EPHA6: variants seen among roughly 807,000 people sequenced by gnomAD.
EPHA6 encodes EPH receptor A6, also known as ephrin type-A receptor 6.
In EPHA6, 50 loss-of-function variants were observed where a neutral mutation model predicts 112.0. The observed-to-expected ratio is 0.45, with a 90% confidence interval of 0.36 to 0.56. The LOEUF is 0.56. EPHA6 is among the 20% of genes least tolerant of loss of function. The probability of loss-of-function intolerance (pLI) is 0.00; values close to 1 mark genes in which losing one functional copy is unlikely to be tolerated. For synonymous variants in EPHA6, 529 were observed against 490.7 expected (o/e 1.08, Z -1.03); for missense variants, 1,280 against 1,417.4 (o/e 0.90, Z 1.56).
intron 5 of EPHA6, among the ~76,000 whole-genome samples, chr3:97,347,081 C>A (rs1314856472): frequency 6.6e-6 from 1 of 152,060 alleles, no homozygotes; most frequent in Non-Finnish European, 1.5e-5. Context: ...GAGAGACCAC[C>A]AGTTGTCTCT....
chr3:97,042,196 T>A (rs975070716), intron 3 of EPHA6, among the ~76,000 whole-genome samples: 7 of 152,062 alleles, frequency 4.6e-5, no homozygotes, highest in Non-Finnish European at 1.0e-4. Context: ...GGATCCCTTA[T>A]TAATGGCTTA....
chr3:97,752,842 G>A lies in EPHA6; in HGVS notation c.*4141G>A, dbSNP rs1449488454. Among the ~76,000 whole-genome samples, 1 of 151,848 alleles carries A rather than the reference G, an allele frequency of 6.6e-6. No individual in the cohort carries two copies. Among genetic ancestry groups the A allele is most frequent in the Non-Finnish European group, 1.5e-5 (1 of 67,906 alleles). On this transcript the variant is annotated 3_prime_UTR_variant, in exon 18 of 18. Transcript: ENST00000389672. ...TATCTGTTATTATAAACTCACAGTT[G>A]GTGTCCATGTCTCTATATATCAAAG...
intron 11 of EPHA6, among the ~76,000 whole-genome samples, chr3:97,562,591 A>G (rs2093207230): frequency 6.6e-6 from 1 of 152,198 alleles, no homozygotes; most frequent in Non-Finnish European, 1.5e-5. Context: ...ATCTACTCCT[A>G]GTGAAGATGC....
chr3:97,323,496 A>G (rs753485747), intron 5 of EPHA6, among the ~76,000 whole-genome samples: 1 of 151,898 alleles, frequency 6.6e-6, no homozygotes, highest in Non-Finnish European at 1.5e-5. Flanking sequence ...TAATATGTCA[A>G]ATGATCATGT....
intron 2 of EPHA6, among the ~76,000 whole-genome samples, chr3:96,984,962 G>T (rs1312341849): frequency 1.3e-5 from 2 of 152,178 alleles, no homozygotes; most frequent in Non-Finnish European, 2.9e-5. Context: ...GCTTTGCTTG[G>T]CTATGAAAGG....
chr3:97,465,858 T>C (rs1474886150), intron 7 of EPHA6, among the ~76,000 whole-genome samples: 1 of 152,064 alleles, frequency 6.6e-6, no homozygotes, highest in East Asian at 1.9e-4. Flanking sequence ...TTAGCTCCAG[T>C]ATTTTGGTGA....
chr3:97,217,953 A>C (rs913066479), intron 3 of EPHA6, among the ~76,000 whole-genome samples: 1 of 152,208 alleles, frequency 6.6e-6, no homozygotes, highest in Non-Finnish European at 1.5e-5. Flanking sequence ...AAAATCTAGA[A>C]TATCATATAC....
At chr3:96,891,220 T>A (rs2037941787) in intron 2 of EPHA6, among the ~76,000 whole-genome samples, 1 of 152,078 alleles carries the variant, frequency 6.6e-6, no homozygotes, top group Admixed American at 6.5e-5. Flanking sequence ...TATAAATAAA[T>A]GGTTGTCTAG....
chr3:97,117,140 C>A (rs1361106265), intron 3 of EPHA6, among the ~76,000 whole-genome samples: 2 of 151,496 alleles, frequency 1.3e-5, no homozygotes, highest in African/African-American at 4.8e-5. Flanking sequence ...GGAAAAATAT[C>A]TTCTGAGGTT....
intron 3 of EPHA6, among the ~76,000 whole-genome samples, chr3:97,138,682 G>A (rs1184621004): frequency 1.3e-5 from 2 of 152,202 alleles, no homozygotes; most frequent in Admixed American, 1.3e-4. Context: ...TCAAACCAAG[G>A]AGGACCCTCC....
rs564447785 is a variant in EPHA6, at chr3:96,931,664, C to T, written c.451-55666C>T. 6.6e-5 allele frequency among the ~76,000 whole-genome samples: 10 copies of T among 152,374 alleles called. No homozygotes were observed. In the East Asian group the frequency reaches 1.9e-3, roughly 29 times the overall value. On this transcript the variant is annotated intron_variant, in intron 2 of 17. Coordinates refer to ENST00000389672, the MANE Select transcript of EPHA6 (RefSeq NM_001080448.3). ...TGGAATGGCTGAGTCAACAGAACTG[C>T]ACAGATAGTAGCTGCCTTTTCCCCT... is the stretch of plus-strand genomic sequence containing the variant.
intron 5 of EPHA6, among the ~76,000 whole-genome samples, chr3:97,334,845 C>T (rs2082981926): frequency 6.6e-6 from 1 of 151,992 alleles, no homozygotes; most frequent in African/African-American, 2.4e-5. Flanking sequence ...TACTGTTTTT[C>T]AGTTTTCTGT....
intron 10 of EPHA6, among the ~76,000 whole-genome samples, chr3:97,517,138 A>G (rs1031714807): frequency 2.0e-5 from 3 of 152,132 alleles, no homozygotes; most frequent in Non-Finnish European, 2.9e-5. Context: ...CAAGTTCAAA[A>G]TGATATTCAA....
In EPHA6 at chr3:97,706,492, C is replaced by T. The variant is rs373767092; in HGVS notation, c.2785-13769C>T. 9.2e-5 allele frequency among the ~76,000 whole-genome samples: 14 copies of T among 152,316 alleles called. No homozygotes were observed. The South Asian group carries it at 2.7e-3, about 29-fold the overall frequency. On this transcript the variant is annotated intron_variant, in intron 14 of 17. Coordinates refer to ENST00000389672, the MANE Select transcript of EPHA6 (RefSeq NM_001080448.3). Reference sequence around the variant, plus strand: ...TGCTATTCCAGTTGTCTAACCAAGTCTTCGCTGTCATGGCTATTGCTGCTG... The same window carrying T: ...TGCTATTCCAGTTGTCTAACCAAGTTTTCGCTGTCATGGCTATTGCTGCTG...
intron 2 of EPHA6, among the ~76,000 whole-genome samples, chr3:96,916,157 T>A (rs1021581675): frequency 2.0e-5 from 3 of 152,104 alleles, no homozygotes; most frequent in South Asian, 4.1e-4. Flanking sequence ...TAAAGAATGT[T>A]GTGGAAATAT....
rs987278923 is a variant in EPHA6 at position 97,530,808 on chromosome 3, G to A, written c.2201-1550G>A. 7.2e-5 allele frequency among the ~76,000 whole-genome samples: 11 copies of A among 151,870 alleles called. No individual in the cohort carries two copies. In the East Asian group the frequency reaches 7.7e-4, roughly 11 times the overall value. Reference sequence around the variant, plus strand: ...CATAATTTTTTGGAAGCAAAGTTACGCCTTGTTTCCTTCCTGGTTATTTAT... The same window carrying A: ...CATAATTTTTTGGAAGCAAAGTTACACCTTGTTTCCTTCCTGGTTATTTAT... On this transcript the variant is annotated intron_variant, in intron 10 of 17. Transcript: ENST00000389672.
At chr3:97,663,470 G>T (rs938000532) in intron 14 of EPHA6, among the ~76,000 whole-genome samples, 1 of 151,396 alleles carries the variant, frequency 6.6e-6, no homozygotes, top group Non-Finnish European at 1.5e-5. Context: ...ATCTCCTAAT[G>T]CTATCGCTCC....
At chr3:97,151,393 T>A (rs1005170797) in intron 3 of EPHA6, among the ~76,000 whole-genome samples, 4 of 152,166 alleles carry the variant, frequency 2.6e-5, no homozygotes, top group African/African-American at 9.7e-5. Flanking sequence ...TTTTGCATAA[T>A]TTTTGTGTTT....
At chr3:97,309,102 A>T (rs1481155558) in intron 5 of EPHA6, among the ~76,000 whole-genome samples, 2 of 151,766 alleles carry the variant, frequency 1.3e-5, no homozygotes, top group East Asian at 3.9e-4. Flanking sequence ...TATGCTTTCT[A>T]AATTCAGTTC....
Sources: allele counts gnomAD v4.1 joint callset (sites outside exome capture counted in the v4.1 genomes callset), GRCh38; gene constraint gnomAD v4.1.1; transcripts MANE v1.5; gene names NCBI Gene and HGNC (gene_info 2026-07-23, HGNC 2026-07-21).